Variants in FGGY observed in about 807,000 individuals in gnomAD.
The protein encoded by FGGY is FGGY carbohydrate kinase domain containing.
In FGGY, 72 loss-of-function variants were observed where a neutral mutation model predicts 71.3. The observed-to-expected ratio is 1.01, with a 90% CI of 0.84 to 1.23. FGGY has a LOEUF of 1.23. FGGY is among the 50% of genes most tolerant of loss of function. The probability of loss-of-function intolerance (pLI) is 0.00; values close to 1 mark genes in which losing one functional copy is unlikely to be tolerated. For missense variants in FGGY, 668 were observed against 682.3 expected (o/e 0.98, Z 0.23); for synonymous variants, 251 against 250.3 (o/e 1.00, Z -0.02).
At chr1:59,663,946 C>T (rs1052535361) in intron 12 of FGGY, among the ~76,000 whole-genome samples, 1 of 152,102 alleles carries the variant, frequency 6.6e-6, no homozygotes, top group Admixed American at 6.5e-5. Flanking sequence ...TCTTTGGGTG[C>T]TGTTTTGTAG....
At chr1:59,317,860 A>G (rs74394986) in intron 1 of FGGY, among the ~76,000 whole-genome samples, 2,731 of 152,340 alleles carry the variant, frequency 0.018, 38 homozygotes, top group East Asian at 0.05. Flanking sequence ...TCTTTGCTGC[A>G]TGGTGCCCTG....
chr1:59,655,950 C>T (rs2097214299), intron 11 of FGGY, among the ~76,000 whole-genome samples: 1 of 152,106 alleles, frequency 6.6e-6, no homozygotes, highest in Admixed American at 6.5e-5. Flanking sequence ...TTTCAATTGG[C>T]ATACACCGCT....
intron 4 of FGGY, among the ~76,000 whole-genome samples, chr1:59,353,696 A>C (rs2053731480): frequency 2.0e-5 from 3 of 152,218 alleles, no homozygotes; most frequent in Admixed American, 1.3e-4. Context: ...AGTCTGTGGG[A>C]CAGATATTAT....
chr1:59,649,181 T>C (rs1477070980), intron 11 of FGGY, among the ~76,000 whole-genome samples: 2 of 149,462 alleles, frequency 1.3e-5, no homozygotes, highest in Admixed American at 6.7e-5. Flanking sequence ...AGTCAGGTAG[T>C]GTGATGCCTC....
At chr1:59,681,233 C>A (rs1422722272) in intron 14 of FGGY, among the ~76,000 whole-genome samples, 2 of 152,174 alleles carry the variant, frequency 1.3e-5, no homozygotes, top group Admixed American at 1.3e-4. Context: ...TTAAGGAATA[C>A]TTTAATAGAT....
intron 5 of FGGY, among the ~76,000 whole-genome samples, chr1:59,394,225 C>G (rs2061044168): frequency 6.6e-6 from 1 of 152,202 alleles, no homozygotes; most frequent in Non-Finnish European, 1.5e-5. Flanking sequence ...CCTACATCCT[C>G]AAAGCTCAAG....
rs575580280 is a variant in FGGY, at chr1:59,373,416, CA to C, written c.466-5330del. 1.1e-3 allele frequency among the ~76,000 whole-genome samples: 173 copies of C among 152,234 alleles called. 1 individual carries two copies. The highest frequency in any genetic ancestry group is 3.4e-3 in the Middle Eastern group (1 of 294). On this transcript the variant is annotated intron_variant, in intron 4 of 15. Transcript: ENST00000303721. Reference sequence around the variant, plus strand: ...TCAAGGAAATTAAAGAGGATATAAACAAATGGAAGAACATTCCATGCTCATG... The same window carrying C: ...TCAAGGAAATTAAAGAGGATATAAACAATGGAAGAACATTCCATGCTCATG...
chr1:59,464,827 G>C (rs955614421), intron 6 of FGGY, among the ~76,000 whole-genome samples: 7 of 152,112 alleles, frequency 4.6e-5, no homozygotes, highest in African/African-American at 1.7e-4. Context: ...CCAGGAAAAA[G>C]TTGAATTCCT....
chr1:59,725,624 T>G (rs1248466428), intron 14 of FGGY, among the ~76,000 whole-genome samples: 1 of 151,142 alleles, frequency 6.6e-6, no homozygotes, highest in Admixed American at 6.6e-5. Flanking sequence ...GTTTTTTTTG[T>G]TTTTTGTTTT....
chr1:59,727,989 A>G (rs1277902060), intron 14 of FGGY, among the ~76,000 whole-genome samples: 1 of 152,048 alleles, frequency 6.6e-6, no homozygotes, highest in African/African-American at 2.4e-5. Context: ...ATCTCTGGCA[A>G]TTTCTTTCTT....
chr1:59,611,968 G>A (rs1027843538), intron 9 of FGGY, among the ~76,000 whole-genome samples: 3 of 152,082 alleles, frequency 2.0e-5, no homozygotes, highest in Admixed American at 6.6e-5. Flanking sequence ...AAAAAGAGAC[G>A]AACAAAGCCT....
At chr1:59,580,166 C>G (rs544507843) in intron 8 of FGGY, among the ~76,000 whole-genome samples, 1 of 152,306 alleles carries the variant, frequency 6.6e-6, no homozygotes, top group South Asian at 2.1e-4. Flanking sequence ...ACCTCTCTAT[C>G]CTTCTTTATT....
At chr1:59,611,817 G>A (rs965381783) in intron 9 of FGGY, among the ~76,000 whole-genome samples, 11 of 152,220 alleles carry the variant, frequency 7.2e-5, no homozygotes, top group African/African-American at 2.7e-4. Flanking sequence ...ACCTGATGGA[G>A]CTGAAAACCA....
At chr1:59,407,316 C>T (rs1486218077) in intron 5 of FGGY, among the ~76,000 whole-genome samples, 1 of 152,028 alleles carries the variant, frequency 6.6e-6, no homozygotes, top group Non-Finnish European at 1.5e-5. Context: ...CAAGGCAAGA[C>T]AAAAAATGAG....
At chr1:59,408,738 A>G (rs1469424519) in intron 5 of FGGY, among the ~76,000 whole-genome samples, 3 of 152,146 alleles carry the variant, frequency 2.0e-5, no homozygotes, top group Admixed American at 1.3e-4. Flanking sequence ...GGCAGAAAAA[A>G]CAAACGGCTG....
At chr1:59,574,310 T>A (rs1269710764) in intron 8 of FGGY, among the ~76,000 whole-genome samples, 1 of 152,188 alleles carries the variant, frequency 6.6e-6, no homozygotes, top group East Asian at 1.9e-4. Context: ...TTTCATTGCC[T>A]CCTCCTCATC....
chr1:59,568,466 G>GA, intron 8 of FGGY, among the ~76,000 whole-genome samples: 1 of 134,798 alleles, frequency 7.4e-6, no homozygotes, highest in Admixed American at 7.5e-5. Flanking sequence ...CGGGGGGGCG[G>GA]GGGGGGGTGT....
intron 5 of FGGY, among the ~76,000 whole-genome samples, chr1:59,395,721 A>G (rs1176557088): frequency 6.6e-6 from 1 of 152,198 alleles, no homozygotes; most frequent in African/African-American, 2.4e-5. Context: ...TATATGTATT[A>G]TAATTATCAT....
At chr1:59,672,013 C>G (rs1424066318) in intron 13 of FGGY, among the ~76,000 whole-genome samples, 2 of 152,074 alleles carry the variant, frequency 1.3e-5, no homozygotes, top group East Asian at 3.9e-4. Flanking sequence ...TAGGAAGGCC[C>G]GGGAAGTGAA....
Sources: allele counts gnomAD v4.1 joint callset (sites outside exome capture counted in the v4.1 genomes callset), GRCh38; gene constraint gnomAD v4.1.1; transcripts MANE v1.5; gene names NCBI Gene and HGNC (gene_info 2026-07-23, HGNC 2026-07-21).